Variants in VCAN observed in about 807,000 individuals in gnomAD.
The protein encoded by VCAN is versican.
Under a neutral mutation model 245.5 loss-of-function variants are expected in VCAN, and 44 were observed. The observed-to-expected ratio is 0.18, with a 90% CI of 0.14 to 0.23. The LOEUF is 0.23. Ranked by LOEUF, VCAN falls within the 10% of genes least tolerant of loss-of-function variation. VCAN has a pLI of 1.00. For missense variants in VCAN, 3,793 were observed against 4,057.9 expected (o/e 0.93, Z 1.77); for synonymous variants, 1,413 against 1,437.0 (o/e 0.98, Z 0.38).
intron 2 of VCAN, 34 bp downstream of exon 2, chr5:83,483,622 G>T: frequency 6.3e-7 from 1 of 1,591,398 alleles, no homozygotes; most frequent in Non-Finnish European, 8.6e-7. Context: ...GGTGTTAATT[G>T]AAATAAAAAT....
chr5:83,520,236 C>T lies in VCAN; in HGVS notation c.1930C>T (p.Pro644Ser), dbSNP rs750126325. Residue 644 changes from proline to serine, a missense_variant, in exon 7 of 15, where the codon CCT becomes TCT. By Grantham distance (74) the Pro-to-Ser change is moderately conservative. Around this residue, in one of 5 missense-constraint regions of VCAN, gnomAD observed 3,182 missense variants for 3,250.3 expected, o/e 0.98. Coordinates refer to ENST00000265077, the MANE Select transcript of VCAN (RefSeq NM_004385.5). ...TCTTGGCAAATATCTGTCTACTACACCTTTTCCATCACAGCATCGTACAGA... is the reference window on the plus strand; with the variant it reads ...TCTTGGCAAATATCTGTCTACTACATCTTTTCCATCACAGCATCGTACAGA... Reference protein sequence around the residue: ...EFLGKYLSTTPFPSQHRTEIE... With the variant: ...EFLGKYLSTTSFPSQHRTEIE... 13 of 1,614,006 alleles carry T rather than the reference C, an allele frequency of 8.1e-6. No individual in the cohort carries two copies. Among genetic ancestry groups the T allele is most frequent in the Non-Finnish European group, 1.1e-5 (13 of 1,179,946 alleles).
chr5:83,521,740 G>A lies in VCAN; in HGVS notation c.3434G>A (p.Ser1145Asn). Reference sequence around the variant, plus strand: ...GAACAAAAATATGAAACAGAAGGTAGTAGTACAACAGGATTTACATCATCT... The same window carrying A: ...GAACAAAAATATGAAACAGAAGGTAATAGTACAACAGGATTTACATCATCT... Reference protein sequence around the residue: ...GPEQKYETEGSSTTGFTSSLS... With the variant: ...GPEQKYETEGNSTTGFTSSLS... The change falls in exon 7 of 15, where the codon AGT becomes AAT. Residue 1145 changes from serine (S) to asparagine (N), a missense_variant. Coordinates refer to ENST00000265077, the MANE Select transcript of VCAN (RefSeq NM_004385.5). 1.2e-6 allele frequency: 2 copies of A among 1,614,092 alleles called. No homozygotes were observed. Among genetic ancestry groups the A allele is most frequent in the African/African-American group, 1.3e-5 (1 of 75,026 alleles).
rs1008970577 is a variant in VCAN, at chr5:83,519,960, T to G, written c.1654T>G (p.Leu552Val). ...AACCACAGGTCACTATGGATTCACC[T>G]TGGGAGAAGAGGATGATGAAGACAG... ...LVTTGHYGFT[L>V]GEEDDEDRTL... Residue 552 changes from leucine to valine, a missense_variant, in exon 7 of 15, where the codon TTG (leucine) becomes GTG (valine). Around this residue, in one of 5 missense-constraint regions of VCAN, gnomAD observed 3,182 missense variants for 3,250.3 expected, o/e 0.98. Coordinates refer to ENST00000265077, the MANE Select transcript of VCAN (RefSeq NM_004385.5). 4 of 1,613,976 alleles carry G rather than the reference T, an allele frequency of 2.5e-6. No homozygotes were observed. The highest frequency in any genetic ancestry group is 3.4e-6 in the Non-Finnish European group (4 of 1,179,976).
rs1232062832 is a variant in VCAN, at chr5:83,545,616, T to C, written c.9345T>C (p.Cys3115=). The change falls in exon 9 of 15, where the codon TGT becomes TGC. Residue 3115 remains cysteine (C), a synonymous_variant. Transcript: ENST00000265077. ...CTGAAACTTCCTACGTATGCACCTG[T>C]GTGCCAGGATACAGCGGAGACCAGT... The part of the protein sequence containing the change: ...YPTETSYVCT[C]VPGYSGDQCE... 1 of 1,614,048 alleles carries C rather than the reference T, an allele frequency of 6.2e-7. No homozygotes were observed. Among genetic ancestry groups the C allele is most frequent in the African/African-American group, 1.3e-5 (1 of 74,938 alleles).
At chr5:83,475,813 G>A (rs958302253) in intron 1 of VCAN, among the ~76,000 whole-genome samples, 40 of 152,200 alleles carry the variant, frequency 2.6e-4, no homozygotes, top group Admixed American at 1.8e-3. Flanking sequence ...AGCGGGATGA[G>A]ATTCAAGACA....
In VCAN at chr5:83,520,092, G is replaced by A; in HGVS notation, c.1786G>A (p.Asp596Asn). ...AGACACCATCCACACTCATTTAGAA[G>A]ACTTGGAGTCAGTCTCAGCATCCAC... The part of the protein sequence containing the change: ...SEDTIHTHLE[D>N]LESVSASTTV... The change falls in exon 7 of 15, where the codon GAC becomes AAC. Residue 596 changes from aspartate (D) to asparagine (N), a missense_variant. By Grantham distance (23) the Asp-to-Asn change is conservative (BLOSUM62 1). Transcript: ENST00000265077. 6.2e-7 allele frequency: 1 copy of A among 1,614,044 alleles called. No individual in the cohort carries two copies. The highest frequency in any genetic ancestry group is 1.1e-5 in the South Asian group (1 of 91,080).
At chr5:83,478,264 T>C (rs1431416347) in intron 1 of VCAN, among the ~76,000 whole-genome samples, 3 of 152,302 alleles carry the variant, frequency 2.0e-5, no homozygotes, top group South Asian at 4.1e-4. Context: ...ATTAAAAAGT[T>C]TGATGCAAGT....
chr5:83,507,975 G>A (rs1208713313), intron 5 of VCAN, among the ~76,000 whole-genome samples: 7 of 152,114 alleles, frequency 4.6e-5, no homozygotes, highest in Admixed American at 2.0e-4. Context: ...TTATTGTTCT[G>A]GAGAAAGCCT....
rs1561257142 is a variant in VCAN at position 83,540,064 on chromosome 5, A to G, written c.7061A>G (p.Asp2354Gly). The G allele has an allele frequency of 6.2e-7, 1 of 1,614,040 alleles. No homozygotes were observed. Among genetic ancestry groups the G allele is most frequent in the Non-Finnish European group, 8.5e-7 (1 of 1,179,978 alleles). The change falls in exon 8 of 15, where the codon GAC (aspartate) becomes GGC (glycine). Residue 2354 changes from aspartate to glycine, a missense_variant. Coordinates refer to ENST00000265077, the MANE Select transcript of VCAN (RefSeq NM_004385.5). ...PTVAPLPFST[D>G]IGHPQNQTVR... The stretch of plus-strand genomic sequence containing the variant: ...GTGGCACCTCTCCCTTTCTCCACGG[A>G]CATCGGACATCCTCAAAATCAGACT...
Position 83,538,625 on chromosome 5 carries a change from G to A in VCAN, c.5622G>A (p.Val1874=). 6.2e-7 allele frequency: 1 copy of A among 1,614,040 alleles called. No individual in the cohort carries two copies. The highest frequency in any genetic ancestry group is 1.3e-5 in the African/African-American group (1 of 75,014). The change falls in exon 8 of 15, where the codon GTG becomes GTA. Residue 1874 remains valine, a synonymous_variant. Transcript: ENST00000265077. ...TAGCTGGCACTTTGTCTCCGCATGT[G>A]GAAACTACATTCTCCACTGAGCCAA... ...KEVAGTLSPH[V]ETTFSTEPTG...
intron 6 of VCAN, among the ~76,000 whole-genome samples, chr5:83,519,102 C>G (rs944016704): frequency 1.3e-5 from 2 of 152,162 alleles, no homozygotes; most frequent in African/African-American, 4.8e-5. Flanking sequence ...GTCATGCATA[C>G]TTTTAGGTAA....
chr5:83,580,193 C>G, intron 14 of VCAN, 31 bp downstream of exon 14: 1 of 1,613,844 alleles, frequency 6.2e-7, no homozygotes, highest in Non-Finnish European at 8.5e-7. Flanking sequence ...AATGGACTAC[C>G]GTGCTATAAC....
At chr5:83,498,898 T>A (rs1278287873) in intron 5 of VCAN, among the ~76,000 whole-genome samples, 2 of 152,182 alleles carry the variant, frequency 1.3e-5, no homozygotes, top group African/African-American at 4.8e-5. Flanking sequence ...GTTGGTTTTG[T>A]TGGCTTCTTC....
intron 12 of VCAN, among the ~76,000 whole-genome samples, chr5:83,566,785 G>A (rs968890290): frequency 6.6e-6 from 1 of 152,206 alleles, no homozygotes; most frequent in Admixed American, 6.5e-5. Context: ...TGCAGGATGA[G>A]TCTTCTCTTT....
rs1248883865 is a variant in VCAN at position 83,521,610 on chromosome 5, G to A, written c.3304G>A (p.Val1102Met). ...TTPVGKIDHS[V>M]SYPPGAVTEH... Reference sequence around the variant, plus strand: ...TCCAGTTGGAAAAATTGATCACAGTGTGTCTTATCCACCAGGTGCTGTAAC... The same window carrying A: ...TCCAGTTGGAAAAATTGATCACAGTATGTCTTATCCACCAGGTGCTGTAAC... Residue 1102 changes from valine (V) to methionine (M), a missense_variant, in exon 7 of 15, where the codon GTG (valine) becomes ATG (methionine). Physicochemically the swap from Val to Met is conservative, Grantham distance 21. Coordinates refer to ENST00000265077, the MANE Select transcript of VCAN (RefSeq NM_004385.5). 1.2e-6 allele frequency: 2 copies of A among 1,613,968 alleles called. No homozygotes were observed. The highest frequency in any genetic ancestry group is 8.5e-7 in the Non-Finnish European group (1 of 1,180,022).
At position 83,537,063 on chromosome 5, in the gene VCAN, G is replaced by T; in HGVS notation, c.4060G>T (p.Asp1354Tyr). The stretch of plus-strand genomic sequence containing the variant: ...TCCAATAGATTCAGAATCTAAAGAA[G>T]ATGAACCTTGTAGTGAAGAAACAGA... ...GHPIDSESKE[D>Y]EPCSEETDPV... The change falls in exon 8 of 15, where the codon GAT becomes TAT. Residue 1354 changes from aspartate (D) to tyrosine (Y), a missense_variant. This residue lies in a region of VCAN where 3,182 missense variants were observed against 3,250.3 expected (regional missense o/e 0.98). Coordinates refer to ENST00000265077, the MANE Select transcript of VCAN (RefSeq NM_004385.5). 1.2e-6 allele frequency: 2 copies of T among 1,613,018 alleles called. No homozygotes were observed. The highest frequency in any genetic ancestry group is 8.5e-7 in the Non-Finnish European group (1 of 1,179,622).
In VCAN at chr5:83,524,641, A is replaced by G. The variant is rs1249907475; in HGVS notation, c.4003+2332A>G. Among the ~76,000 whole-genome samples the G allele has an allele frequency of 3.3e-5, 5 of 152,144 alleles. No homozygotes were observed. In the East Asian group the frequency reaches 9.7e-4, roughly 29 times the overall value. On this transcript the variant is annotated intron_variant, in intron 7 of 14. Coordinates refer to ENST00000265077, the MANE Select transcript of VCAN (RefSeq NM_004385.5). ...TATGCTGTTCTCCTTAACTAAAAGC[A>G]TTGTTTATTGTCTTCATAAGACAAT...
rs750786127 is a variant in VCAN at position 83,520,557 on chromosome 5, A to G, written c.2251A>G (p.Thr751Ala). ...AATGACCAAGTCTTTTGATTTCCCA[A>G]CATTGATAACAAAGTTAAGTGCAGA... ...VEMTKSFDFP[T>A]LITKLSAEPT... The change falls in exon 7 of 15, where the codon ACA becomes GCA. Residue 751 changes from threonine to alanine, a missense_variant. Thr to Ala is a moderately conservative substitution (Grantham distance 58, BLOSUM62 0). Coordinates refer to ENST00000265077, the MANE Select transcript of VCAN (RefSeq NM_004385.5). The G allele has an allele frequency of 3.1e-6, 5 of 1,614,062 alleles. No individual in the cohort carries two copies. In the African/African-American group the frequency reaches 4.0e-5, roughly 13 times the overall value.
chr5:83,478,109 A>G (rs1358843529), intron 1 of VCAN, among the ~76,000 whole-genome samples: 2 of 151,738 alleles, frequency 1.3e-5, no homozygotes, highest in Non-Finnish European at 2.9e-5. Flanking sequence ...TGCTTGGCTA[A>G]TTTTCGTGTT....
Sources: allele counts gnomAD v4.1 joint callset (sites outside exome capture counted in the v4.1 genomes callset), GRCh38; gene constraint gnomAD v4.1.1; regional missense constraint gnomAD v4.1.1; transcripts MANE v1.5; gene names NCBI Gene and HGNC (gene_info 2026-07-23, HGNC 2026-07-21).